Variants in FOXP1 observed in about 807,000 individuals in gnomAD.
FOXP1 encodes the protein forkhead box P1.
FOXP1 carries 15 observed loss-of-function variants against 98.2 expected under a neutral mutation model. That is an observed-to-expected ratio of 0.15 (90% CI 0.10 to 0.24). FOXP1 has a LOEUF of 0.24. Ranked by LOEUF, FOXP1 falls within the 10% of genes least tolerant of loss-of-function variation. The pLI is 1.00. For missense variants in FOXP1, 633 were observed against 848.5 expected (o/e 0.75, Z 3.15); for synonymous variants, 371 against 314.5 (o/e 1.18, Z -1.90).
chr3:71,236,510 C>T (rs903582103), intron 5 of FOXP1, among the ~76,000 whole-genome samples: 7 of 152,208 alleles, frequency 4.6e-5, no homozygotes, highest in African/African-American at 1.4e-4. Context: ...GTCCCACAGG[C>T]ATATAATGAG....
intron 5 of FOXP1, among the ~76,000 whole-genome samples, chr3:71,225,858 G>A (rs1273040054): frequency 6.6e-6 from 1 of 152,216 alleles, no homozygotes; most frequent in African/African-American, 2.4e-5. Context: ...TTAGTGCAGA[G>A]GAAGAACGGG....
intron 3 of FOXP1, among the ~76,000 whole-genome samples, chr3:71,399,183 C>T (rs1350375033): frequency 1.3e-5 from 2 of 152,022 alleles, no homozygotes; most frequent in Non-Finnish European, 2.9e-5. Flanking sequence ...TGTGTACATA[C>T]ACATATGTGT....
intron 6 of FOXP1, among the ~76,000 whole-genome samples, chr3:71,178,001 A>AT (rs11371797): frequency 0.46 from 69,678 of 150,226 alleles, 17,203 homozygotes; most frequent in African/African-American, 0.63. Flanking sequence ...ACACCTGGCT[A>AT]TTTTTTATTT....
chr3:71,034,057 G>A (rs755177906), intron 11 of FOXP1, among the ~76,000 whole-genome samples: 8 of 152,130 alleles, frequency 5.3e-5, no homozygotes, highest in Non-Finnish European at 1.0e-4. Flanking sequence ...CCCTACACCT[G>A]ACAAGACATG....
intron 3 of FOXP1, among the ~76,000 whole-genome samples, chr3:71,379,999 T>C (rs1040838922): frequency 3.9e-5 from 6 of 152,178 alleles, no homozygotes; most frequent in Non-Finnish European, 7.3e-5. Context: ...GCAGGGGATA[T>C]AGAAGCAAAT....
At chr3:71,433,435 C>T (rs567982960) in intron 3 of FOXP1, among the ~76,000 whole-genome samples, 1 of 152,230 alleles carries the variant, frequency 6.6e-6, no homozygotes, top group East Asian at 1.9e-4. Context: ...ATCAGGGAAA[C>T]AACTTTACGG....
intron 6 of FOXP1, among the ~76,000 whole-genome samples, chr3:71,175,444 T>G (rs1182744069): frequency 6.6e-6 from 1 of 152,228 alleles, no homozygotes; most frequent in African/African-American, 2.4e-5. Context: ...TTTCAATTGA[T>G]GACTTTTCTT....
chr3:71,098,500 A>G (rs2056675525), intron 7 of FOXP1, among the ~76,000 whole-genome samples: 1 of 152,014 alleles, frequency 6.6e-6, no homozygotes, highest in South Asian at 2.1e-4. Context: ...CTGACACAGG[A>G]TTTTTTTTAA....
At chr3:71,576,528 A>G (rs1325780624) in intron 2 of FOXP1, among the ~76,000 whole-genome samples, 2 of 152,156 alleles carry the variant, frequency 1.3e-5, no homozygotes, top group Admixed American at 1.3e-4. Flanking sequence ...TTTTGCCCAG[A>G]TACTTTAATA....
intron 7 of FOXP1, among the ~76,000 whole-genome samples, chr3:71,057,601 T>C (rs2050865666): frequency 6.6e-6 from 1 of 152,122 alleles, no homozygotes; most frequent in Non-Finnish European, 1.5e-5. Context: ...TCTGTCTAGC[T>C]GCCTTCAGGG....
chr3:71,328,755 C>T lies in FOXP1; in HGVS notation c.-72-28875G>A, dbSNP rs141555169. Among the ~76,000 whole-genome samples the T allele has an allele frequency of 2.7e-4, 41 of 151,952 alleles. No homozygotes were observed. In the East Asian group the frequency reaches 6.0e-3, roughly 22 times the overall value. Reference sequence around the variant, plus strand: ...TAGGAGGCTGAGGCAGTTGGATCACCGGAGGTTGGGAGTTCAAGACCAGCC... The same window carrying T: ...TAGGAGGCTGAGGCAGTTGGATCACTGGAGGTTGGGAGTTCAAGACCAGCC... On this transcript the variant is annotated intron_variant, in intron 4 of 20. Transcript: ENST00000649528.
chr3:71,294,210 A>G (rs532775390), intron 5 of FOXP1, among the ~76,000 whole-genome samples: 1 of 152,368 alleles, frequency 6.6e-6, no homozygotes, highest in Non-Finnish European at 1.5e-5. Flanking sequence ...CTCTGAACAC[A>G]TTAAGAACTA....
chr3:71,400,648 C>T (rs1039645133), intron 3 of FOXP1, among the ~76,000 whole-genome samples: 6 of 152,234 alleles, frequency 3.9e-5, no homozygotes, highest in East Asian at 3.9e-4. Context: ...TGAGCCACCA[C>T]GGCCAGCCAA....
At chr3:71,049,129 C>A (rs1210333819) in intron 9 of FOXP1, among the ~76,000 whole-genome samples, 2 of 152,238 alleles carry the variant, frequency 1.3e-5, no homozygotes, top group Non-Finnish European at 2.9e-5. Flanking sequence ...GCAGTCCCCT[C>A]GGCAGGTCAG....
intron 2 of FOXP1, among the ~76,000 whole-genome samples, chr3:71,561,406 C>G (rs1218212299): frequency 8.9e-6 from 1 of 112,662 alleles, no homozygotes; most frequent in African/African-American, 4.1e-5. Flanking sequence ...ATAAAGCTGG[C>G]CAAAAAAAAA....
At chr3:70,987,802 T>A (rs969755428) in intron 14 of FOXP1, among the ~76,000 whole-genome samples, 192 bp downstream of exon 14, 1 of 152,218 alleles carries the variant, frequency 6.6e-6, no homozygotes, top group South Asian at 2.1e-4. Flanking sequence ...AATCATCCTG[T>A]ATCTCCCCAA....
At chr3:71,086,866 T>C (rs931247619) in intron 7 of FOXP1, among the ~76,000 whole-genome samples, 1 of 152,224 alleles carries the variant, frequency 6.6e-6, no homozygotes, top group African/African-American at 2.4e-5. Context: ...CTCTTCGTCC[T>C]GCACTGGGGC....
At chr3:71,147,741 T>G (rs895711481) in intron 6 of FOXP1, among the ~76,000 whole-genome samples, 1 of 152,148 alleles carries the variant, frequency 6.6e-6, no homozygotes, top group African/African-American at 2.4e-5. Context: ...GAATAAATGA[T>G]CATACCAAGG....
chr3:71,458,224 A>T (rs777723503), intron 3 of FOXP1, among the ~76,000 whole-genome samples: 1 of 152,228 alleles, frequency 6.6e-6, no homozygotes, highest in African/African-American at 2.4e-5. Context: ...TGCAGCCCAG[A>T]TTATTTTCAT....
Sources: allele counts gnomAD v4.1 joint callset (sites outside exome capture counted in the v4.1 genomes callset), GRCh38; gene constraint gnomAD v4.1.1; transcripts MANE v1.5; gene names NCBI Gene and HGNC (gene_info 2026-07-23, HGNC 2026-07-21).